FRMD3: variants seen among roughly 807,000 people sequenced by gnomAD.
FRMD3 encodes FERM domain-containing protein 3.
In FRMD3, 33 loss-of-function variants were observed where a neutral mutation model predicts 70.2. The ratio of observed to expected loss-of-function variants is 0.47; its 90% CI spans 0.36 to 0.63. FRMD3 has a LOEUF of 0.63. Ranked by LOEUF, FRMD3 falls within the 20% of genes least tolerant of loss-of-function variation. FRMD3 has a pLI of 0.00. For synonymous variants in FRMD3, 279 were observed against 255.9 expected, an observed-to-expected ratio of 1.09 and a Z score of -0.86; for missense variants, 632 against 711.4, an observed-to-expected ratio of 0.89 and a Z score of 1.27.
chr9:83,449,028 C>A (rs934092690), intron 1 of FRMD3, among the ~76,000 whole-genome samples: 1 of 152,118 alleles, frequency 6.6e-6, no homozygotes, highest in African/African-American at 2.4e-5. Context: ...CTTGCTGAGC[C>A]ATTGCAGAGG....
Position 83,391,746 on chromosome 9 carries a change from G to A in FRMD3, c.148-2038C>T, listed in dbSNP as rs150663899. Among the ~76,000 whole-genome samples, 77 of 152,314 alleles carry A rather than the reference G, an allele frequency of 5.1e-4. 1 individual carries two copies. The East Asian group carries it at 6.7e-3, about 13-fold the overall frequency. ...AACGCAGTGATTAGAGCAGGCAACCGTGGCTGAAACAGGGGCCAATGCCTT... is the reference window on the plus strand; with the variant it reads ...AACGCAGTGATTAGAGCAGGCAACCATGGCTGAAACAGGGGCCAATGCCTT... On this transcript the variant is annotated intron_variant, in intron 1 of 13. Transcript: ENST00000304195.
intron 6 of FRMD3, among the ~76,000 whole-genome samples, chr9:83,317,221 C>T (rs985728251): frequency 6.6e-6 from 1 of 151,722 alleles, no homozygotes; most frequent in African/African-American, 2.4e-5. Flanking sequence ...CACACACACA[C>T]ACACACTCAT....
rs1335918047 is a variant in FRMD3 at position 83,433,208 on chromosome 9, T to C, written c.148-43500A>G. The stretch of plus-strand genomic sequence containing the variant: ...TCATTCTTAAAATGTTTCCTTATTA[T>C]AAAAAAATCTCAAGAGGCTAGGAAG... On this transcript the variant is annotated intron_variant, in intron 1 of 13. Transcript: ENST00000304195. 4.6e-5 allele frequency among the ~76,000 whole-genome samples: 7 copies of C among 152,240 alleles called. No individual in the cohort carries two copies. The East Asian group carries it at 1.3e-3, about 29-fold the overall frequency.
intron 2 of FRMD3, among the ~76,000 whole-genome samples, chr9:83,383,105 C>T (rs1225274909): frequency 6.6e-6 from 1 of 152,140 alleles, no homozygotes; most frequent in African/African-American, 2.4e-5. Context: ...GGGAGAGGAC[C>T]CCTGAGCCCT....
chr9:83,377,613 G>A (rs1343839880), intron 2 of FRMD3, among the ~76,000 whole-genome samples: 1 of 151,952 alleles, frequency 6.6e-6, no homozygotes, highest in African/African-American at 2.4e-5. Context: ...AAAGTGTGTG[G>A]CACCTTCCTC....
the FRMD3 span, among the ~76,000 whole-genome samples, chr9:83,558,110 T>C: frequency 6.6e-6 from 1 of 152,188 alleles, no homozygotes; most frequent in East Asian, 1.9e-4. Context: ...TGCACCAAAA[T>C]AAGAACTTTT....
chr9:83,313,398 T>A (rs57251635), intron 7 of FRMD3, among the ~76,000 whole-genome samples: 5,159 of 152,244 alleles, frequency 0.034, 205 homozygotes, highest in African/African-American at 0.098. Flanking sequence ...GGCCAAACCA[T>A]CCATTTGATG....
intron 1 of FRMD3, among the ~76,000 whole-genome samples, chr9:83,500,707 T>G (rs1265042098): frequency 6.6e-6 from 1 of 152,188 alleles, no homozygotes; most frequent in Non-Finnish European, 1.5e-5. Context: ...CAGATTCAAT[T>G]AGTCAATGCA....
intron 1 of FRMD3, among the ~76,000 whole-genome samples, chr9:83,396,671 T>G (rs1825819566): frequency 6.6e-6 from 1 of 152,186 alleles, no homozygotes; most frequent in African/African-American, 2.4e-5. Flanking sequence ...GACTTGCCCT[T>G]CCCTCTGGAC....
intron 1 of FRMD3, among the ~76,000 whole-genome samples, chr9:83,521,554 G>A (rs752791866): frequency 2.0e-5 from 3 of 152,202 alleles, no homozygotes; most frequent in African/African-American, 4.8e-5. Context: ...AAAAAGCACT[G>A]AGGCATTCAA....
At chr9:83,514,905 A>C (rs1829421243) in intron 1 of FRMD3, among the ~76,000 whole-genome samples, 1 of 152,240 alleles carries the variant, frequency 6.6e-6, no homozygotes, top group Non-Finnish European at 1.5e-5. Flanking sequence ...ACAAACAGAA[A>C]GCAATAGCAT....
At position 83,245,970 on chromosome 9, in the gene FRMD3, C is replaced by CAAA. The variant is rs1832073115; in HGVS notation, c.*1945_*1947dup. On this transcript the variant is annotated 3_prime_UTR_variant, in exon 14 of 14. Transcript: ENST00000304195. ...AAACAAACAATCTTTATTTAAAAAG[C>CAAA]AAAATAAATCACTGAAAGCATATAG... 2.0e-6 allele frequency: 2 copies of CAAA among 982,916 alleles called. No individual in the cohort carries two copies. Among genetic ancestry groups the CAAA allele is most frequent in the Admixed American group, 1.2e-4 (2 of 16,234 alleles). 60.9% of individuals were successfully genotyped at this position (982,916 alleles called of 1,614,324 possible).
intron 1 of FRMD3, among the ~76,000 whole-genome samples, chr9:83,492,037 A>T (rs1330349948): frequency 6.6e-6 from 1 of 152,178 alleles, no homozygotes; most frequent in Non-Finnish European, 1.5e-5. Flanking sequence ...TATACAATCT[A>T]ATTTTGAATG....
rs376736443 is a variant in FRMD3 at position 83,389,616 on chromosome 9, T to G, written c.240A>C (p.Pro80=). The G allele has an allele frequency of 4.3e-5, 70 of 1,612,764 alleles. No individual in the cohort carries two copies. The Admixed American group carries it at 9.2e-4, about 21-fold the overall frequency. ...AATCAGCTCTTACCCTTTGCTTCTC[T>G]GGGTCCACATAGCGAATGCCAAAGT... ...KDYFGIRYVD[P]EKQRHWLEPN... is the part of the protein sequence containing the mutation. The change falls in exon 2 of 14, where the codon CCA becomes CCC. Residue 80 remains proline (P), a synonymous_variant. Coordinates refer to ENST00000304195, the MANE Select transcript of FRMD3 (RefSeq NM_174938.6).
At chr9:83,244,369 G>GTTAAC (rs1314064269), downstream of FRMD3, among the ~76,000 whole-genome samples, 2 of 151,986 alleles carry the variant, frequency 1.3e-5, no homozygotes, top group Admixed American at 6.6e-5. Flanking sequence ...TATTTCTCTG[G>GTTAAC]TTAACTTAAT....
the FRMD3 span, among the ~76,000 whole-genome samples, chr9:83,576,833 T>C: frequency 6.6e-6 from 1 of 152,084 alleles, no homozygotes. Flanking sequence ...GACATGATTT[T>C]ATATACAGAA....
chr9:83,447,214 A>G (rs1180486215), intron 1 of FRMD3, among the ~76,000 whole-genome samples: 2 of 152,064 alleles, frequency 1.3e-5, no homozygotes, highest in East Asian at 3.9e-4. Flanking sequence ...TAGTAGAGAC[A>G]GGGTTTCATC....
intron 1 of FRMD3, among the ~76,000 whole-genome samples, chr9:83,445,341 A>AATAG (rs56369819): frequency 0.53 from 77,441 of 146,392 alleles, 20,650 homozygotes; most frequent in South Asian, 0.64. Context: ...CTCAAAAATA[A>AATAG]ATAGATAGAT....
chr9:83,540,698 C>T (rs1204282409), upstream of FRMD3, among the ~76,000 whole-genome samples: 1 of 152,132 alleles, frequency 6.6e-6, no homozygotes, highest in Non-Finnish European at 1.5e-5. Flanking sequence ...AGAATGAACT[C>T]AAGGGATGAG....
Sources: gnomAD v4.1 joint callset for allele counts (sites outside exome capture counted in the v4.1 genomes callset) on GRCh38, gnomAD v4.1.1 for gene constraint, MANE v1.5 for transcripts, NCBI Gene and HGNC (gene_info 2026-07-23, HGNC 2026-07-21) for gene names.